The following DTHD1 variants were observed in gnomAD, a reference collection of about 807,000 sequenced individuals.
The protein encoded by DTHD1 is death domain-containing protein 1.
In DTHD1, 59 loss-of-function variants were observed where a neutral mutation model predicts 74.8. The observed-to-expected ratio is 0.79, with a 90% CI of 0.64 to 0.98. DTHD1 has a LOEUF of 0.98. Ranked by LOEUF, DTHD1 falls within the 50% of genes least tolerant of loss-of-function variation. The probability of loss-of-function intolerance (pLI) is 0.00; values close to 1 mark genes in which losing one functional copy is unlikely to be tolerated. For missense variants in DTHD1, 1,051 were observed against 1,065.4 expected (o/e 0.99, Z 0.19); for synonymous variants, 365 against 371.1 (o/e 0.98, Z 0.19).
At chr4:36,339,754 G>A (rs1472292298) in intron 9 of DTHD1, among the ~76,000 whole-genome samples, 1 of 152,178 alleles carries the variant, frequency 6.6e-6, no homozygotes, top group Non-Finnish European at 1.5e-5. Flanking sequence ...AGACATCAGC[G>A]AGGATATTCT....
chr4:36,304,212 G>GA (rs1262360052), intron 5 of DTHD1, among the ~76,000 whole-genome samples: 2 of 152,076 alleles, frequency 1.3e-5, no homozygotes, highest in South Asian at 2.1e-4. Flanking sequence ...AATGCTATCA[G>GA]AAAAAAATTA....
intron 5 of DTHD1, among the ~76,000 whole-genome samples, chr4:36,296,889 C>T (rs769765629): frequency 2.2e-4 from 34 of 152,066 alleles, no homozygotes; most frequent in Non-Finnish European, 3.5e-4. Context: ...TAACTTTTGA[C>T]TCCTCGAAAA....
At chr4:36,318,693 C>G (rs1455034970) in intron 8 of DTHD1, among the ~76,000 whole-genome samples, 1 of 145,308 alleles carries the variant, frequency 6.9e-6, no homozygotes, top group Non-Finnish European at 1.5e-5. Flanking sequence ...CGGCTCACTG[C>G]AAGCTCCGCC....
At chr4:36,292,620 T>G (rs1008923811) in intron 3 of DTHD1, among the ~76,000 whole-genome samples, 24 of 152,340 alleles carry the variant, frequency 1.6e-4, no homozygotes, top group Non-Finnish European at 2.5e-4. Flanking sequence ...ATGCCCTGAA[T>G]TTTCCCAGAG....
At chr4:36,287,701 A>T (rs1034239028) in intron 2 of DTHD1, among the ~76,000 whole-genome samples, 7 of 152,228 alleles carry the variant, frequency 4.6e-5, no homozygotes, top group African/African-American at 1.7e-4. Flanking sequence ...GTGGTATTGC[A>T]TAGTGATTTT....
chr4:36,309,376 C>T (rs920879705), intron 7 of DTHD1, among the ~76,000 whole-genome samples: 3 of 152,152 alleles, frequency 2.0e-5, no homozygotes, highest in Non-Finnish European at 2.9e-5. Flanking sequence ...CACTTGAACC[C>T]GGGAGGCGGA....
intron 7 of DTHD1, chr4:36,315,636 A>G (rs1290149293): frequency 6.6e-6 from 1 of 152,276 alleles, no homozygotes; most frequent in Non-Finnish European, 1.5e-5. Flanking sequence ...ATAATTCTCA[A>G]CGGGTGAAAA....
chr4:36,322,825 G>T (rs1183977449), intron 8 of DTHD1, among the ~76,000 whole-genome samples: 1 of 152,138 alleles, frequency 6.6e-6, no homozygotes, highest in Non-Finnish European at 1.5e-5. Flanking sequence ...AGTAAATTCA[G>T]TTCACACTGC....
intron 8 of DTHD1, among the ~76,000 whole-genome samples, chr4:36,324,115 G>A (rs368159519): frequency 2.0e-5 from 3 of 152,150 alleles, no homozygotes; most frequent in East Asian, 3.9e-4. Context: ...AGTTTAATGA[G>A]AAGAGATTAT....
intron 2 of DTHD1, among the ~76,000 whole-genome samples, chr4:36,285,574 C>A (rs958144931): frequency 6.6e-6 from 1 of 151,764 alleles, no homozygotes; most frequent in Admixed American, 6.6e-5. Flanking sequence ...TAATAAGGCC[C>A]TATTTGTCCG....
At chr4:36,305,052 A>G (rs1560797432) in intron 5 of DTHD1, among the ~76,000 whole-genome samples, 1 of 152,194 alleles carries the variant, frequency 6.6e-6, no homozygotes, top group Non-Finnish European at 1.5e-5. Context: ...ACATACAGCC[A>G]ATTTCTTCAG....
intron 6 of DTHD1, among the ~76,000 whole-genome samples, chr4:36,307,622 G>A (rs1014153919): frequency 2.6e-5 from 4 of 152,096 alleles, no homozygotes; most frequent in African/African-American, 7.2e-5. Context: ...CCATCCTAAC[G>A]ATCCTTCCCA....
At chr4:36,323,427 T>C (rs1271679086) in intron 8 of DTHD1, among the ~76,000 whole-genome samples, 1 of 152,020 alleles carries the variant, frequency 6.6e-6, no homozygotes, top group Admixed American at 6.6e-5. Context: ...CAAAGCAATT[T>C]TGACTAGATA....
chr4:36,288,188 T>A (rs1317890568), intron 2 of DTHD1, among the ~76,000 whole-genome samples: 1 of 152,202 alleles, frequency 6.6e-6, no homozygotes. Flanking sequence ...AACCTCCACC[T>A]CCCAGGTGCA....
intron 3 of DTHD1, among the ~76,000 whole-genome samples, chr4:36,291,521 A>G (rs12498924): frequency 0.068 from 10,418 of 152,284 alleles, 643 homozygotes; most frequent in African/African-American, 0.16. Context: ...AAGAGAGAAT[A>G]TAACAACTAT....
intron 5 of DTHD1, among the ~76,000 whole-genome samples, chr4:36,302,273 G>C (rs1256693609): frequency 6.6e-6 from 1 of 152,184 alleles, no homozygotes; most frequent in Non-Finnish European, 1.5e-5. Flanking sequence ...AAGCAAAAGA[G>C]AATGGGACCA....
intron 3 of DTHD1, among the ~76,000 whole-genome samples, chr4:36,291,028 C>G (rs974619484): frequency 3.3e-5 from 5 of 152,082 alleles, no homozygotes; most frequent in Admixed American, 1.3e-4. Flanking sequence ...TATGATGGAC[C>G]CTTGTCTAAA....
At chr4:36,284,635 T>C (rs1380771815) in intron 2 of DTHD1, 44 bp downstream of exon 2, 6 of 1,360,522 alleles carry the variant, frequency 4.4e-6, no homozygotes, top group South Asian at 1.5e-5. Flanking sequence ...TGCCTACTTA[T>C]ATGTGTGTTT....
At chr4:36,304,940 A>T (rs1756958907) in intron 5 of DTHD1, among the ~76,000 whole-genome samples, 1 of 152,192 alleles carries the variant, frequency 6.6e-6, no homozygotes, top group African/African-American at 2.4e-5. Context: ...TCCCTGGGCC[A>T]CTTAGTCAAA....
Sources: allele counts gnomAD v4.1 joint callset (sites outside exome capture counted in the v4.1 genomes callset), GRCh38; gene constraint gnomAD v4.1.1; transcripts MANE v1.5; gene names NCBI Gene and HGNC (gene_info 2026-07-23, HGNC 2026-07-21).